The following HPSE2 variants were observed in gnomAD, a reference collection of about 807,000 sequenced individuals.
HPSE2 encodes inactive heparanase-2.
HPSE2 carries 38 observed loss-of-function variants against 60.5 expected under a neutral mutation model. The ratio of observed to expected loss-of-function variants is 0.63; its 90% CI spans 0.48 to 0.82. The LOEUF (loss-of-function observed/expected upper bound fraction) is 0.82, where lower values mean the gene tolerates loss of function less well. Among genes scored for constraint, HPSE2 ranks in the 40% least tolerant of loss-of-function variants. HPSE2 has a pLI of 0.00. For synonymous variants in HPSE2, 295 were observed against 293.2 expected (o/e 1.01, Z -0.06); for missense variants, 713 against 740.4 (o/e 0.96, Z 0.43).
intron 6 of HPSE2, among the ~76,000 whole-genome samples, chr10:98,660,409 T>C (rs1438055350): frequency 2.0e-5 from 3 of 152,142 alleles, no homozygotes; most frequent in Non-Finnish European, 2.9e-5. Context: ...AGAGGTGAAA[T>C]TGTGGTCCAA....
At chr10:98,956,288 TAAAC>T (rs1221816465) in intron 3 of HPSE2, among the ~76,000 whole-genome samples, 2 of 152,064 alleles carry the variant, frequency 1.3e-5, no homozygotes, top group Admixed American at 6.6e-5. Flanking sequence ...TTCCAGTCAT[TAAAC>T]AAGCCATGAA....
chr10:99,229,744 T>C (rs1037335082), intron 2 of HPSE2, among the ~76,000 whole-genome samples: 3 of 152,228 alleles, frequency 2.0e-5, no homozygotes, highest in Admixed American at 2.0e-4. Flanking sequence ...TTACTCAAAA[T>C]GTATGTTGTT....
chr10:99,103,679 A>G (rs1844113713), intron 3 of HPSE2, among the ~76,000 whole-genome samples: 1 of 152,228 alleles, frequency 6.6e-6, no homozygotes, highest in Admixed American at 6.5e-5. Flanking sequence ...TTGCCAAGAC[A>G]ATCCTAAGCC....
chr10:98,755,836 A>C (rs1026054477), intron 3 of HPSE2, among the ~76,000 whole-genome samples: 2 of 152,082 alleles, frequency 1.3e-5, no homozygotes, highest in African/African-American at 4.8e-5. Flanking sequence ...TCTCTATGAA[A>C]AATGCAAAAA....
chr10:99,314,001 T>C, the HPSE2 span, among the ~76,000 whole-genome samples: 61 of 152,254 alleles, frequency 4.0e-4, no homozygotes, highest in Middle Eastern at 3.4e-3. Flanking sequence ...GCAAACTTTA[T>C]TGTTATCTCA....
chr10:98,498,706 G>T (rs1941932905), intron 9 of HPSE2, among the ~76,000 whole-genome samples: 1 of 152,122 alleles, frequency 6.6e-6, no homozygotes, highest in Non-Finnish European at 1.5e-5. Context: ...TAATCAGGGA[G>T]GCACCAGAGA....
chr10:99,234,765 A>G (rs895147440), intron 1 of HPSE2, among the ~76,000 whole-genome samples: 8 of 151,968 alleles, frequency 5.3e-5, no homozygotes, highest in Admixed American at 3.9e-4. Context: ...CGCTTCCCTT[A>G]TAACGCTGTG....
chr10:98,774,520 G>C (rs1407357128), intron 3 of HPSE2, among the ~76,000 whole-genome samples: 3 of 152,142 alleles, frequency 2.0e-5, no homozygotes, highest in African/African-American at 7.2e-5. Flanking sequence ...AATCAGATCA[G>C]AAATCTGGTG....
intron 3 of HPSE2, among the ~76,000 whole-genome samples, chr10:98,795,179 T>G (rs1335875090): frequency 6.6e-6 from 1 of 152,140 alleles, no homozygotes; most frequent in African/African-American, 2.4e-5. Context: ...TAACAACTGT[T>G]TGCACACAGA....
At chr10:98,737,248 C>A (rs1949382155) in intron 4 of HPSE2, among the ~76,000 whole-genome samples, 2 of 141,666 alleles carry the variant, frequency 1.4e-5, no homozygotes, top group African/African-American at 2.5e-5. Context: ...AATACAGGAC[C>A]AAAATATATA....
intron 11 of HPSE2, 88 bp from the exon 12 acceptor site, chr10:98,459,827 G>GTC (rs1940207508): frequency 8.2e-7 from 1 of 1,219,424 alleles, no homozygotes; most frequent in Non-Finnish European, 1.2e-6. Flanking sequence ...GCCTGGCAGT[G>GTC]TCTGATACAC....
At chr10:98,871,780 C>T (rs1057253172) in intron 3 of HPSE2, among the ~76,000 whole-genome samples, 5 of 152,016 alleles carry the variant, frequency 3.3e-5, no homozygotes, top group African/African-American at 1.2e-4. Context: ...AAAAATGTTG[C>T]CTATCTTTGG....
At chr10:98,498,294 G>A (rs911500784) in intron 9 of HPSE2, among the ~76,000 whole-genome samples, 7 of 152,118 alleles carry the variant, frequency 4.6e-5, no homozygotes, top group African/African-American at 1.7e-4. Flanking sequence ...CATGGCTGAG[G>A]GACCCATAGA....
intron 5 of HPSE2, among the ~76,000 whole-genome samples, chr10:98,696,608 T>C (rs899572346): frequency 2.1e-4 from 2 of 9,512 alleles, no homozygotes; most frequent in Admixed American, 1.6e-3. Context: ...GTCCCAACCA[T>C]GGAATGCGTA....
At chr10:98,871,663 C>T (rs1408742460) in intron 3 of HPSE2, among the ~76,000 whole-genome samples, 2 of 151,868 alleles carry the variant, frequency 1.3e-5, no homozygotes, top group Non-Finnish European at 2.9e-5. Flanking sequence ...AATTAGAGCA[C>T]AGAAGGAAGG....
chr10:98,879,841 G>GTGTGCA (rs1268866863), intron 3 of HPSE2, among the ~76,000 whole-genome samples: 4 of 133,436 alleles, frequency 3.0e-5, no homozygotes, highest in Non-Finnish European at 6.4e-5. Context: ...ACAACAGTTG[G>GTGTGCA]TGTGCATGTG....
chr10:98,527,491 G>A (rs1943005133), intron 9 of HPSE2, among the ~76,000 whole-genome samples: 2 of 152,054 alleles, frequency 1.3e-5, no homozygotes, highest in Non-Finnish European at 2.9e-5. Flanking sequence ...GCGCAAGACG[G>A]TGCTTCCTCT....
chr10:98,896,455 G>C (rs1953495665), intron 3 of HPSE2, among the ~76,000 whole-genome samples: 2 of 152,114 alleles, frequency 1.3e-5, no homozygotes, highest in Non-Finnish European at 2.9e-5. Flanking sequence ...TGGTTGGTTG[G>C]TTGTCTGAAA....
intron 11 of HPSE2, among the ~76,000 whole-genome samples, chr10:98,460,099 G>C (rs1940222306): frequency 6.6e-6 from 1 of 152,126 alleles, no homozygotes; most frequent in Admixed American, 6.5e-5. Flanking sequence ...GCAGAAGCTG[G>C]AATGTTTCAT....
Sources: allele counts gnomAD v4.1 joint callset (sites outside exome capture counted in the v4.1 genomes callset), GRCh38; gene constraint gnomAD v4.1.1; transcripts MANE v1.5; gene names NCBI Gene and HGNC (gene_info 2026-07-23, HGNC 2026-07-21).